GPD2: variants seen among roughly 807,000 people sequenced by gnomAD.
GPD2 encodes glycerol-3-phosphate dehydrogenase, mitochondrial.
GPD2 carries 54 observed loss-of-function variants against 82.4 expected under a neutral mutation model. That is an observed-to-expected ratio of 0.66 (90% CI 0.53 to 0.82). GPD2 has a LOEUF of 0.82. GPD2 is among the 40% of genes least tolerant of loss of function. GPD2 has a pLI of 0.00. For synonymous variants in GPD2, 288 were observed against 306.1 expected (o/e 0.94, Z 0.62); for missense variants, 748 against 896.2 (o/e 0.83, Z 2.11).
intron 9 of GPD2, among the ~76,000 whole-genome samples, chr2:156,564,497 A>G (rs1687294471): frequency 6.6e-6 from 1 of 152,158 alleles, no homozygotes; most frequent in Non-Finnish European, 1.5e-5. Context: ...GTTGGAATTA[A>G]TGTCTCACAT....
At chr2:156,444,854 G>A (rs569670532) in intron 1 of GPD2, among the ~76,000 whole-genome samples, 4 of 152,232 alleles carry the variant, frequency 2.6e-5, no homozygotes, top group South Asian at 2.1e-4. Flanking sequence ...TACGTCACGC[G>A]ATTCTTCTCC....
chr2:156,508,629 T>A lies in GPD2; in HGVS notation c.275-2167T>A, dbSNP rs567615778. Among the ~76,000 whole-genome samples the A allele has an allele frequency of 3.3e-5, 5 of 152,282 alleles. No individual in the cohort carries two copies. The East Asian group carries it at 9.7e-4, about 29-fold the overall frequency. ...TCATGGTGTGGGCATCTTGATGCCATGACAGTGATTCCAGGGTTTAAAGAG... is the reference window on the plus strand; with the variant it reads ...TCATGGTGTGGGCATCTTGATGCCAAGACAGTGATTCCAGGGTTTAAAGAG... On this transcript the variant is annotated intron_variant, in intron 3 of 16. Transcript: ENST00000438166.
intron 6 of GPD2, among the ~76,000 whole-genome samples, chr2:156,520,885 T>A (rs1253440630): frequency 6.6e-6 from 1 of 152,186 alleles, no homozygotes; most frequent in Admixed American, 6.5e-5. Flanking sequence ...CATGCCCGGC[T>A]GTTCAGTTTT....
intron 1 of GPD2, among the ~76,000 whole-genome samples, chr2:156,439,849 A>AAAATAAATAAATAAATAAAT (rs59142687): frequency 0.026 from 3,891 of 147,588 alleles, 74 homozygotes; most frequent in Middle Eastern, 0.042. Flanking sequence ...TCTGTCTCAA[A>AAAATAAATAAATAAATAAAT]AAATAAATAA....
At chr2:156,453,948 A>G (rs4664820) in intron 1 of GPD2, among the ~76,000 whole-genome samples, 139,893 of 152,248 alleles carry the variant, frequency 0.92, 65,433 homozygotes, top group East Asian at 1. Flanking sequence ...GGAAATAGGT[A>G]TGAAGGTCAT....
chr2:156,442,643 T>C (rs1682214856), intron 1 of GPD2, among the ~76,000 whole-genome samples: 2 of 151,932 alleles, frequency 1.3e-5, no homozygotes, highest in Non-Finnish European at 2.9e-5. Context: ...ACCCTGTCTC[T>C]ACAAAAAATA....
At chr2:156,477,693 G>T (rs1199801816) in intron 2 of GPD2, among the ~76,000 whole-genome samples, 3 of 152,054 alleles carry the variant, frequency 2.0e-5, no homozygotes, top group Non-Finnish European at 4.4e-5. Context: ...CATATTGATT[G>T]GGTTCATAGT....
At chr2:156,560,138 C>G (rs975445460) in intron 9 of GPD2, among the ~76,000 whole-genome samples, 8 of 152,126 alleles carry the variant, frequency 5.3e-5, no homozygotes, top group African/African-American at 1.9e-4. Flanking sequence ...AACTCCTTAT[C>G]CTGCTAAGAA....
intron 6 of GPD2, among the ~76,000 whole-genome samples, chr2:156,530,259 A>G (rs199964275): frequency 1.2e-5 from 1 of 81,936 alleles, no homozygotes; most frequent in Non-Finnish European, 2.7e-5. Context: ...TTGGTGTATA[A>G]GAATGCTTGT....
At chr2:156,549,074 G>A (rs78723810) in intron 6 of GPD2, among the ~76,000 whole-genome samples, 1 of 152,118 alleles carries the variant, frequency 6.6e-6, no homozygotes, top group East Asian at 1.9e-4. Context: ...ATTTTAAGAA[G>A]CCCTGATCAA....
the GPD2 span, among the ~76,000 whole-genome samples, chr2:156,427,961 G>T: frequency 6.6e-6 from 1 of 152,152 alleles, no homozygotes; most frequent in Non-Finnish European, 1.5e-5. Flanking sequence ...ATTCTGCTGT[G>T]TGCATACAAT....
intron 16 of GPD2, among the ~76,000 whole-genome samples, chr2:156,580,689 A>G (rs1190096069): frequency 1.3e-5 from 2 of 152,182 alleles, no homozygotes; most frequent in Non-Finnish European, 2.9e-5. Context: ...AAGTTAAACA[A>G]ACAAGATCAA....
At chr2:156,413,926 C>T in the GPD2 span, among the ~76,000 whole-genome samples, 2 of 152,150 alleles carry the variant, frequency 1.3e-5, no homozygotes, top group Non-Finnish European at 2.9e-5. Flanking sequence ...TAAATAATTC[C>T]TGAATCTTTT....
rs569392663 is a variant in GPD2 at position 156,530,248 on chromosome 2, G to A, written c.661+16752G>A. ...TGATTTGGCTCTCTGTTTGTCTGTT[G>A]TTGGTGTATAAGAATGCTTGTGATT... is the stretch of plus-strand genomic sequence containing the variant. On this transcript the variant is annotated intron_variant, in intron 6 of 16. Transcript: ENST00000438166. Among the ~76,000 whole-genome samples, 82 of 92,792 alleles carry A rather than the reference G, an allele frequency of 8.8e-4. 4 individuals carry two copies. The highest frequency in any genetic ancestry group is 3.0e-3 in the Admixed American group (26 of 8,550). 60.9% of individuals were successfully genotyped at this position (92,792 alleles called of 152,430 possible).
intron 2 of GPD2, among the ~76,000 whole-genome samples, chr2:156,489,896 C>CCT (rs1396781325): frequency 2.8e-5 from 4 of 141,654 alleles, no homozygotes; most frequent in African/African-American, 1.1e-4. Context: ...TCCCCTCCTT[C>CCT]CTTCACTACC....
At chr2:156,503,160 G>C (rs769073755) in intron 3 of GPD2, among the ~76,000 whole-genome samples, 3 of 152,074 alleles carry the variant, frequency 2.0e-5, no homozygotes, top group Non-Finnish European at 4.4e-5. Context: ...CCCAGAGAGT[G>C]GTCAAGAGAA....
At chr2:156,532,228 A>G (rs1007272244) in intron 6 of GPD2, among the ~76,000 whole-genome samples, 3 of 152,152 alleles carry the variant, frequency 2.0e-5, no homozygotes, top group African/African-American at 7.2e-5. Context: ...GCTGGTGATG[A>G]ACACCTGGCT....
intron 6 of GPD2, among the ~76,000 whole-genome samples, chr2:156,520,198 G>A (rs1685348874): frequency 6.6e-6 from 1 of 152,164 alleles, no homozygotes; most frequent in South Asian, 2.1e-4. Context: ...GGTACAGGAT[G>A]GGGGTGTTGT....
the GPD2 span, among the ~76,000 whole-genome samples, chr2:156,426,720 C>G: frequency 6.6e-6 from 1 of 152,030 alleles, no homozygotes; most frequent in East Asian, 1.9e-4. Context: ...CTCAGAGAAG[C>G]CTTTTGTCCT....
Sources: allele counts gnomAD v4.1 joint callset (sites outside exome capture counted in the v4.1 genomes callset), GRCh38; gene constraint gnomAD v4.1.1; transcripts MANE v1.5; gene names NCBI Gene and HGNC (gene_info 2026-07-23, HGNC 2026-07-21).